The following CEACAM16 variants were observed in gnomAD, a reference collection of about 807,000 sequenced individuals.
The protein encoded by CEACAM16 is cell adhesion molecule CEACAM16.
Under a neutral mutation model 39.4 loss-of-function variants are expected in CEACAM16, and 30 were observed. The observed-to-expected ratio is 0.76, with a 90% CI of 0.57 to 1.03. The LOEUF (loss-of-function observed/expected upper bound fraction) is 1.03, where lower values mean the gene tolerates loss of function less well. CEACAM16 is among the 50% of genes least tolerant of loss of function. The pLI is 0.00. For missense variants in CEACAM16, 521 were observed against 585.3 expected, an observed-to-expected ratio of 0.89 and a Z score of 1.13; for synonymous variants, 262 against 264.9, an observed-to-expected ratio of 0.99 and a Z score of 0.11.
In CEACAM16 at chr19:44,703,732, G is replaced by C. The variant is rs749211401; in HGVS notation, c.382+39G>C. 3.6e-6 allele frequency: 5 copies of C among 1,395,868 alleles called. No individual in the cohort carries two copies. In the African/African-American group the frequency reaches 5.8e-5, roughly 16 times the overall value. The allele number at this position is 1,395,868 out of a possible 1,614,324, so 86.5% of individuals were successfully genotyped here. A position where few individuals can be genotyped will look rare whatever the true frequency, so the allele number is the denominator to read the frequency against. Reference sequence around the variant, plus strand: ...CAACACCCGCCTCTGCCCCAGCTGGGCCTTCCCATCTCCTTCTCAATCCTT... The same window carrying C: ...CAACACCCGCCTCTGCCCCAGCTGGCCCTTCCCATCTCCTTCTCAATCCTT... On this transcript the variant is annotated intron_variant, in intron 3 of 6. Transcript: ENST00000587331.
At chr19:44,706,173 C>T (rs17715069) in intron 5 of CEACAM16, among the ~76,000 whole-genome samples, 1 of 150,818 alleles carries the variant, frequency 6.6e-6, no homozygotes, top group African/African-American at 2.4e-5. Flanking sequence ...CTGTTTAGGG[C>T]CTTGACCCTC....
intron 2 of CEACAM16, among the ~76,000 whole-genome samples, chr19:44,702,137 CA>C (rs1485603882): frequency 3.9e-5 from 6 of 151,924 alleles, no homozygotes; most frequent in African/African-American, 1.2e-4. Context: ...TACTAAAATA[CA>C]AAAAATTAGC....
intron 4 of CEACAM16, 107 bp from the exon 5 acceptor site, chr19:44,705,483 G>A (rs1261913508): frequency 4.1e-6 from 5 of 1,219,790 alleles, no homozygotes; most frequent in African/African-American, 3.1e-5. Flanking sequence ...CCTCCACTAG[G>A]CCAAGATATT....
chr19:44,703,715 G>C (rs370486113), intron 3 of CEACAM16, 22 bp downstream of exon 3: 2 of 1,450,410 alleles, frequency 1.4e-6, no homozygotes, highest in African/African-American at 2.9e-5. Context: ...CCCAACACCC[G>C]CCTCTGCCCC....
chr19:44,701,859 C>T lies in CEACAM16; in HGVS notation c.37+366C>T, dbSNP rs1294930831. Among the ~76,000 whole-genome samples, 1 of 152,194 alleles carries T rather than the reference C, an allele frequency of 6.6e-6. No individual in the cohort carries two copies. Among genetic ancestry groups the T allele is most frequent in the Non-Finnish European group, 1.5e-5 (1 of 68,036 alleles). ...TTCTCCCGGAAGATGTAGCTTAGGGCAGTTGCCTTTCCCTTCTCAGCCTCT... is the reference window on the plus strand; with the variant it reads ...TTCTCCCGGAAGATGTAGCTTAGGGTAGTTGCCTTTCCCTTCTCAGCCTCT... On this transcript the variant is annotated intron_variant, in intron 2 of 6. Transcript: ENST00000587331. This position sits in a 1 kb window ranked among gnomAD's most constrained non-coding sequence, Gnocchi z 4.0.
chr19:44,703,267 C>T (rs1381351826), intron 2 of CEACAM16, 82 bp from the exon 3 acceptor site: 6 of 1,335,086 alleles, frequency 4.5e-6, no homozygotes, highest in Non-Finnish European at 6.2e-6. Flanking sequence ...GGGACATGCC[C>T]CGAGCCTGAG....
At chr19:44,709,512 GGGACCATGTCTCCTCCATC>G (rs1315982308) in intron 6 of CEACAM16, among the ~76,000 whole-genome samples, 1,456 of 126,544 alleles carry the variant, frequency 0.012, 311 homozygotes, top group African/African-American at 0.025. Context: ...CCCAGAGTCA[GGGACCATGTCTCCTCCATC>G]AGACCGGGAG....
At position 44,710,585 on chromosome 19, in the gene CEACAM16, T is replaced by A; in HGVS notation, c.*79T>A. ...TCCTCGCCCTCTGAGTGGGAACCACTCCCCCACAGCGAGGATGCCAGGCTG... is the reference window on the plus strand; with the variant it reads ...TCCTCGCCCTCTGAGTGGGAACCACACCCCCACAGCGAGGATGCCAGGCTG... On this transcript the variant is annotated 3_prime_UTR_variant, in exon 7 of 7. Transcript: ENST00000587331. 1 of 1,582,512 alleles carries A rather than the reference T, an allele frequency of 6.3e-7. No homozygotes were observed. Among genetic ancestry groups the A allele is most frequent in the South Asian group, 1.1e-5 (1 of 90,262 alleles).
intron 4 of CEACAM16, among the ~76,000 whole-genome samples, chr19:44,704,555 A>AC (rs1974410832): frequency 6.6e-6 from 1 of 151,976 alleles, no homozygotes; most frequent in South Asian, 2.1e-4. Context: ...ACATGGCAAG[A>AC]CCTCATCTCT....
chr19:44,705,502 C>T, intron 4 of CEACAM16, 88 bp from the exon 5 acceptor site: 1 of 1,386,136 alleles, frequency 7.2e-7, no homozygotes, highest in Non-Finnish European at 9.7e-7. Context: ...TTCCCAGGGA[C>T]CTAGCTTGGT....
In CEACAM16 at chr19:44,707,847, C is replaced by T. The variant is rs10426475; in HGVS notation, c.941-14C>T. 63,380 of 1,514,672 alleles carry T rather than the reference C, an allele frequency of 0.042. 2,023 individuals carry two copies. The highest frequency in any genetic ancestry group is 0.16 in the Admixed American group (7,955 of 50,530). 93.8% of individuals were successfully genotyped at this position (1,514,672 alleles called of 1,614,324 possible). A position where few individuals can be genotyped will look rare whatever the true frequency, so the allele number is the denominator to read the frequency against. On this transcript the variant is annotated splice_polypyrimidine_tract_variant and intron_variant, in intron 5 of 6. Transcript: ENST00000587331. ...GCAGACCAAACTGACCCAGCCCGCTCGCTCTCTCCCCAGCTGCAGCAGTTG... is the reference window on the plus strand; with the variant it reads ...GCAGACCAAACTGACCCAGCCCGCTTGCTCTCTCCCCAGCTGCAGCAGTTG...
At chr19:44,702,704 G>C (rs1180523485) in intron 2 of CEACAM16, among the ~76,000 whole-genome samples, 9 of 152,272 alleles carry the variant, frequency 5.9e-5, no homozygotes. Flanking sequence ...GCCCCAGACT[G>C]GGAGTCAGGA....
At position 44,703,411 on chromosome 19, in the gene CEACAM16, G is replaced by A. The variant is rs759302164; in HGVS notation, c.100G>A (p.Gly34Arg). 7 of 1,613,684 alleles carry A rather than the reference G, an allele frequency of 4.3e-6. No individual in the cohort carries two copies. The South Asian group carries it at 6.6e-5, about 15-fold the overall frequency. Reference sequence around the variant, plus strand: ...CCTGGAGCCTGCCCAGCCGAGCGAAGGGGACAACGTCACGCTGGTCGTCCA... The same window carrying A: ...CCTGGAGCCTGCCCAGCCGAGCGAAAGGGACAACGTCACGCTGGTCGTCCA... ...ITLEPAQPSE[G>R]DNVTLVVHGL... Residue 34 changes from glycine (G) to arginine (R), a missense_variant, in exon 3 of 7, where the codon GGG (glycine) becomes AGG (arginine). By Grantham distance (125) the Gly-to-Arg change is moderately radical. Coordinates refer to ENST00000587331, the MANE Select transcript of CEACAM16 (RefSeq NM_001039213.4).
In CEACAM16 at chr19:44,704,013, C is replaced by A. The variant is rs201855875; in HGVS notation, c.383-5C>A. 190 of 1,586,972 alleles carry A rather than the reference C, an allele frequency of 1.2e-4. No homozygotes were observed. Among genetic ancestry groups the A allele is most frequent in the Admixed American group, 6.8e-5 (4 of 59,060 alleles). On this transcript the variant is annotated splice_region_variant and splice_polypyrimidine_tract_variant and intron_variant, in intron 3 of 6. Transcript: ENST00000587331. ...CCCCTCCCCCTCTGTCTCTTGCCCCCACAGAGATCCTGGCCCAGCCCACAG... is the reference window on the plus strand; with the variant it reads ...CCCCTCCCCCTCTGTCTCTTGCCCCAACAGAGATCCTGGCCCAGCCCACAG...
At position 44,708,052 on chromosome 19, in the gene CEACAM16, G is replaced by A. The variant is rs745374380; in HGVS notation, c.1132G>A (p.Gly378Ser). 6.2e-7 allele frequency: 1 copy of A among 1,612,740 alleles called. No individual in the cohort carries two copies. Among genetic ancestry groups the A allele is most frequent in the South Asian group, 1.1e-5 (1 of 90,874 alleles). ...CTGGATTGCAGGCCCCGCGCACACAGGCCGGGAGGTGGGCTTCCCCAACTG... is the reference window on the plus strand; with the variant it reads ...CTGGATTGCAGGCCCCGCGCACACAAGCCGGGAGGTGGGCTTCCCCAACTG... ...GTWIAGPAHT[G>S]REVGFPNCSL... The change falls in exon 6 of 7, where the codon GGC (glycine) becomes AGC (serine). Residue 378 changes from glycine (G) to serine (S), a missense_variant. Transcript: ENST00000587331.
intron 5 of CEACAM16, 74 bp downstream of exon 5, chr19:44,705,942 T>C: frequency 6.7e-7 from 1 of 1,501,974 alleles, no homozygotes; most frequent in Non-Finnish European, 9.1e-7. Context: ...TAAGCCACCA[T>C]TTGCCCAACA....
chr19:44,705,566 T>C, intron 4 of CEACAM16, 24 bp from the exon 5 acceptor site: 1 of 1,571,880 alleles, frequency 6.4e-7, no homozygotes. Flanking sequence ...TACTGCCCCA[T>C]CTATCTCCCT....
intron 4 of CEACAM16, 102 bp from the exon 5 acceptor site, chr19:44,705,488 G>A: frequency 7.8e-7 from 1 of 1,287,098 alleles, no homozygotes. Context: ...ACTAGGCCAA[G>A]ATATTCCCAG....
At chr19:44,704,429 T>C in intron 4 of CEACAM16, 133 bp downstream of exon 4, 1 of 1,177,772 alleles carries the variant, frequency 8.5e-7, no homozygotes, top group Non-Finnish European at 1.2e-6. Context: ...CAGGGACCCC[T>C]CTTAAAGTGC....
Sources: gnomAD v4.1 joint callset for allele counts (sites outside exome capture counted in the v4.1 genomes callset) on GRCh38, gnomAD v4.1.1 for gene constraint, Gnocchi (gnomAD v3.1) non-coding constraint, MANE v1.5 for transcripts, NCBI Gene and HGNC (gene_info 2026-07-23, HGNC 2026-07-21) for gene names.